Variants in ZFAND1 observed in about 807,000 individuals in gnomAD.
The protein encoded by ZFAND1 is zinc finger AN1-type containing 1.
ZFAND1 carries 40 observed loss-of-function variants against 38.5 expected under a neutral mutation model. That is an observed-to-expected ratio of 1.04 (90% confidence interval 0.81 to 1.35). ZFAND1 has a LOEUF of 1.35. Ranked by LOEUF, ZFAND1 falls within the 40% of genes most tolerant of loss-of-function variation. The pLI, the probability that ZFAND1 is intolerant of heterozygous loss-of-function variation, is 0.00. For missense variants in ZFAND1, 346 were observed against 316.3 expected (o/e 1.09, Z -0.71); for synonymous variants, 117 against 103.6 (o/e 1.13, Z -0.78).
intron 1 of ZFAND1, among the ~76,000 whole-genome samples, chr8:81,719,577 C>G (rs1295664755): frequency 6.6e-6 from 1 of 152,036 alleles, no homozygotes; most frequent in Non-Finnish European, 1.5e-5. Flanking sequence ...TAATATTTTG[C>G]GACTTTTAAT....
At chr8:81,709,607 G>A (rs956139041) in intron 6 of ZFAND1, among the ~76,000 whole-genome samples, 1 of 151,864 alleles carries the variant, frequency 6.6e-6, no homozygotes, top group African/African-American at 2.4e-5. Context: ...GTATATACAT[G>A]AATACAATAT....
chr8:81,710,351 AT>A, intron 6 of ZFAND1, among the ~76,000 whole-genome samples: 1 of 152,362 alleles, frequency 6.6e-6, no homozygotes, highest in African/African-American at 2.4e-5. Context: ...TTTTAAAAAA[AT>A]CAAACAAAAT....
chr8:81,703,538 C>T (rs1429128249), intron 6 of ZFAND1, among the ~76,000 whole-genome samples: 1 of 152,248 alleles, frequency 6.6e-6, no homozygotes, highest in Non-Finnish European at 1.5e-5. Context: ...ATTCTCATGC[C>T]TCAGCCTCTG....
chr8:81,702,774 T>C lies in ZFAND1; in HGVS notation c.728A>G (p.Tyr243Cys). ...TTCCAAGATTATATTTCCACCATTA[T>C]ATAAAGGACAATCCTCCTTAGCAAT... ...TWIAKEDCPL[Y>C]NGGNIILEYL... Residue 243 changes from tyrosine to cysteine, a missense_variant, in exon 8 of 8, where the codon TAT becomes TGT. Tyr to Cys is a radical substitution (Grantham distance 194). Transcript: ENST00000220669. The C allele has an allele frequency of 6.2e-7, 1 of 1,607,466 alleles. No individual in the cohort carries two copies. Among genetic ancestry groups the C allele is most frequent in the Non-Finnish European group, 8.5e-7 (1 of 1,177,316 alleles).
At position 81,708,767 on chromosome 8, in the gene ZFAND1, G is replaced by A. The variant is rs1356340611; in HGVS notation, c.480+5151C>T. 3 of 1,234,106 alleles carry A rather than the reference G, an allele frequency of 2.4e-6. No homozygotes were observed. In the East Asian group the frequency reaches 2.0e-4, roughly 82 times the overall value. The allele number at this position is 1,234,106 out of a possible 1,614,324, so 76.4% of individuals were successfully genotyped here. A position where few individuals can be genotyped will look rare whatever the true frequency, so the allele number is the denominator to read the frequency against. On this transcript the variant is annotated intron_variant, in intron 6 of 7. Transcript: ENST00000220669. ...CCACAAGAGGCAGTATACGGAACTG[G>A]TTAGAAGGGCAGGCTCTTACCAAGT... is the stretch of plus-strand genomic sequence containing the variant.
chr8:81,715,207 G>T (rs1412655108), intron 3 of ZFAND1, 93 bp from the exon 4 acceptor site: 48 of 1,413,708 alleles, frequency 3.4e-5, no homozygotes, highest in Non-Finnish European at 4.6e-5. Context: ...TTTTATTTTT[G>T]CTTAAACTTA....
intron 5 of ZFAND1, 157 bp downstream of exon 5, chr8:81,714,647 C>T: frequency 1.5e-6 from 1 of 665,504 alleles, no homozygotes; most frequent in East Asian, 2.8e-5. Flanking sequence ...TCAGGTAGAC[C>T]TCATAAGAAA....
intron 1 of ZFAND1, 121 bp from the exon 2 acceptor site, chr8:81,718,345 C>T: frequency 1.6e-6 from 1 of 622,542 alleles, no homozygotes; most frequent in South Asian, 3.1e-5. Context: ...GTGTAGCAAG[C>T]ACTATGTAAC....
At chr8:81,703,922 A>C (rs570184104) in intron 6 of ZFAND1, among the ~76,000 whole-genome samples, 1 of 152,186 alleles carries the variant, frequency 6.6e-6, no homozygotes, top group South Asian at 2.1e-4. Flanking sequence ...ATCCCCTAAG[A>C]CCAGATCAAT....
intron 6 of ZFAND1, among the ~76,000 whole-genome samples, chr8:81,709,007 T>C (rs559789586): frequency 5.3e-5 from 8 of 152,188 alleles, no homozygotes; most frequent in Admixed American, 1.3e-4. Flanking sequence ...ATCTAAAATA[T>C]GCGTACCATT....
chr8:81,713,709 C>T (rs1243687168), intron 6 of ZFAND1, among the ~76,000 whole-genome samples: 5 of 151,928 alleles, frequency 3.3e-5, no homozygotes, highest in Admixed American at 6.6e-5. Flanking sequence ...AAAGACAACT[C>T]GAAGAAGTAT....
At chr8:81,719,764 C>T (rs1808419646) in intron 1 of ZFAND1, among the ~76,000 whole-genome samples, 1 of 152,076 alleles carries the variant, frequency 6.6e-6, no homozygotes, top group Non-Finnish European at 1.5e-5. Flanking sequence ...ATAGGCCTGG[C>T]CTCATCTCAG....
At chr8:81,713,069 G>GA (rs1563607487) in intron 6 of ZFAND1, among the ~76,000 whole-genome samples, 1 of 152,102 alleles carries the variant, frequency 6.6e-6, no homozygotes, top group Non-Finnish European at 1.5e-5. Flanking sequence ...TTAGGGATTG[G>GA]AAAATCAACC....
intron 6 of ZFAND1, among the ~76,000 whole-genome samples, chr8:81,706,348 G>T (rs1807978704): frequency 2.6e-5 from 1 of 38,026 alleles, no homozygotes; most frequent in Admixed American, 3.9e-4. Context: ...AAAAATACAA[G>T]TAAGCCCTAA....
chr8:81,708,760 G>A (rs1043055456), intron 6 of ZFAND1: 99 of 1,198,190 alleles, frequency 8.3e-5, no homozygotes, highest in East Asian at 1.5e-4. Context: ...GGCAGTATAC[G>A]GAACTGGTTA....
intron 5 of ZFAND1, 181 bp downstream of exon 5, chr8:81,714,623 C>A: frequency 1.7e-6 from 1 of 582,542 alleles, no homozygotes; most frequent in Non-Finnish European, 3.0e-6. Flanking sequence ...AAATAATTTC[C>A]AAATTTCCAT....
intron 6 of ZFAND1, among the ~76,000 whole-genome samples, chr8:81,710,291 A>G (rs546776514): frequency 6.6e-6 from 1 of 152,344 alleles, no homozygotes; most frequent in African/African-American, 2.4e-5. Context: ...TTTTCTCCAT[A>G]TGCATCTTTT....
At chr8:81,718,147 A>G in intron 2 of ZFAND1, 35 bp downstream of exon 2, 4 of 1,515,784 alleles carry the variant, frequency 2.6e-6, no homozygotes, top group Non-Finnish European at 3.6e-6. Flanking sequence ...AAACACTAAA[A>G]TTACTCCCAA....
intron 6 of ZFAND1, among the ~76,000 whole-genome samples, chr8:81,703,711 C>T (rs911502607): frequency 8.5e-5 from 13 of 152,190 alleles, no homozygotes; most frequent in Non-Finnish European, 1.6e-4. Context: ...GAGTGAGCCA[C>T]CACACTCGGC....
Sources: allele counts gnomAD v4.1 joint callset (sites outside exome capture counted in the v4.1 genomes callset), GRCh38; gene constraint gnomAD v4.1.1; transcripts MANE v1.5; gene names NCBI Gene and HGNC (gene_info 2026-07-23, HGNC 2026-07-21).